SEC14L2: variants seen among roughly 807,000 people sequenced by gnomAD.
SEC14L2 encodes SEC14-like protein 2.
Under a neutral mutation model 56.9 loss-of-function variants are expected in SEC14L2, and 50 were observed. That is an observed-to-expected ratio of 0.88 (90% confidence interval 0.70 to 1.11). SEC14L2 has a LOEUF of 1.11. Ranked by LOEUF, SEC14L2 falls within the 50% of genes most tolerant of loss-of-function variation. The pLI, the probability that SEC14L2 is intolerant of heterozygous loss-of-function variation, is 0.00. For synonymous variants in SEC14L2, 179 were observed against 188.5 expected (o/e 0.95, Z 0.41); for missense variants, 414 against 500.7 (o/e 0.83, Z 1.65).
intron 11 of SEC14L2, among the ~76,000 whole-genome samples, chr22:30,419,555 A>C (rs1298334144): frequency 6.6e-6 from 1 of 152,162 alleles, no homozygotes; most frequent in Admixed American, 6.5e-5. Context: ...AACAACAACA[A>C]CAACAAAAAG....
intron 1 of SEC14L2, chr22:30,397,771 T>C: frequency 4.4e-6 from 2 of 455,044 alleles, no homozygotes; most frequent in Non-Finnish European, 9.1e-6. Flanking sequence ...AGGCACTGGG[T>C]TGGTGTTAGT....
intron 8 of SEC14L2, among the ~76,000 whole-genome samples, chr22:30,411,202 AG>A (rs894269798): frequency 6.6e-6 from 1 of 152,168 alleles, no homozygotes; most frequent in African/African-American, 2.4e-5. Flanking sequence ...TCAAGGCTGC[AG>A]TTAGCTATGA....
intron 2 of SEC14L2, among the ~76,000 whole-genome samples, chr22:30,401,198 T>G (rs1389139083): frequency 2.7e-5 from 4 of 149,348 alleles, no homozygotes; most frequent in Non-Finnish European, 5.9e-5. Flanking sequence ...TTTATTTATT[T>G]ATTTATTTAT....
intron 8 of SEC14L2, among the ~76,000 whole-genome samples, chr22:30,411,517 A>G (rs1230892147): frequency 6.6e-6 from 1 of 152,026 alleles, no homozygotes; most frequent in Non-Finnish European, 1.5e-5. Flanking sequence ...AGGCCGAGGT[A>G]GGCGGATCGC....
At position 30,415,871 on chromosome 22, in the gene SEC14L2, A is replaced by G. The variant is rs1414855938; in HGVS notation, c.771+6A>G. ...ACCCCAAGTGCAAATCCAAGGTATG[A>G]GCCGCCAGAGGCTAGAGGTGAACAG... On this transcript the variant is annotated splice_donor_region_variant and intron_variant, in intron 9 of 11. Coordinates refer to ENST00000615189, the MANE Select transcript of SEC14L2 (RefSeq NM_012429.5). 1 of 1,614,186 alleles carries G rather than the reference A, an allele frequency of 6.2e-7. No homozygotes were observed. Among genetic ancestry groups the G allele is most frequent in the East Asian group, 2.2e-5 (1 of 44,888 alleles).
intron 1 of SEC14L2, chr22:30,398,802 G>A (rs1389468240): frequency 4.2e-6 from 2 of 470,618 alleles, no homozygotes; most frequent in Non-Finnish European, 8.8e-6. Context: ...GTGTGCTCTG[G>A]ACTCAGACAG....
At chr22:30,419,042 A>C (rs1386145450) in intron 11 of SEC14L2, among the ~76,000 whole-genome samples, 1 of 152,252 alleles carries the variant, frequency 6.6e-6, no homozygotes, top group Non-Finnish European at 1.5e-5. Flanking sequence ...ACTAGGAATG[A>C]AAAGATTCCC....
rs780459349 is a variant in SEC14L2 at position 30,415,747 on chromosome 22, C to G, written c.665-12C>G. The G allele has an allele frequency of 2.5e-6, 4 of 1,610,626 alleles. No homozygotes were observed. In the Admixed American group the frequency reaches 5.0e-5, roughly 20 times the overall value. ...GAGATACATCTTTATCCTTCCTTCC[C>G]TCTCCTGCCAGCAAATTGGAAGGAG... is the stretch of plus-strand genomic sequence containing the variant. On this transcript the variant is annotated splice_polypyrimidine_tract_variant and intron_variant, in intron 8 of 11. Coordinates refer to ENST00000615189, the MANE Select transcript of SEC14L2 (RefSeq NM_012429.5).
chr22:30,406,399 G>T lies in SEC14L2; in HGVS notation c.174+14G>T. On this transcript the variant is annotated intron_variant, in intron 3 of 11. Coordinates refer to ENST00000615189, the MANE Select transcript of SEC14L2 (RefSeq NM_012429.5). ...ATGCTCCGGAAGGTGAGACACATTT[G>T]GCTGTTGCTTCAGTTCCTCCCCATC... is the stretch of plus-strand genomic sequence containing the variant. 1 of 1,613,842 alleles carries T rather than the reference G, an allele frequency of 6.2e-7. No homozygotes were observed. Among genetic ancestry groups the T allele is most frequent in the South Asian group, 1.1e-5 (1 of 91,060 alleles).
chr22:30,397,204 G>GCC (rs775845041), intron 1 of SEC14L2, 34 bp downstream of exon 1: 6 of 1,489,060 alleles, frequency 4.0e-6, no homozygotes, highest in Non-Finnish European at 5.4e-6. Context: ...CTCCCGCCTC[G>GCC]GGCTGTGGCC....
intron 1 of SEC14L2, chr22:30,398,764 T>A (rs1340911729): frequency 4.2e-6 from 2 of 471,270 alleles, no homozygotes; most frequent in South Asian, 3.1e-5. Context: ...CATCCTTCCA[T>A]GGGGCAGAAG....
At chr22:30,398,725 T>C (rs1446066093) in intron 1 of SEC14L2, 1 of 471,354 alleles carries the variant, frequency 2.1e-6, no homozygotes, top group African/African-American at 2.0e-5. Flanking sequence ...GACCACCTCT[T>C]TCTTCCCTCT....
At chr22:30,404,023 A>AG (rs1450233879) in intron 2 of SEC14L2, among the ~76,000 whole-genome samples, 57 of 135,322 alleles carry the variant, frequency 4.2e-4, no homozygotes, top group African/African-American at 1.5e-3. Flanking sequence ...AAAAAAAAAA[A>AG]AAAAAAGAAA....
intron 1 of SEC14L2, chr22:30,397,404 C>A: frequency 2.0e-6 from 1 of 496,424 alleles, no homozygotes; most frequent in Non-Finnish European, 3.5e-6. Flanking sequence ...GCAGCCGTGG[C>A]GGTGCCACCT....
Position 30,423,924 on chromosome 22 carries a change from G to A in SEC14L2, c.*1517G>A, listed in dbSNP as rs992728780. 6.6e-6 allele frequency: 1 copy of A among 152,298 alleles called. No individual in the cohort carries two copies. Among genetic ancestry groups the A allele is most frequent in the South Asian group, 2.1e-4 (1 of 4,836 alleles). 9.4% of individuals were successfully genotyped at this position (152,298 alleles called of 1,614,324 possible). A position where few individuals can be genotyped will look rare whatever the true frequency, so the allele number is the denominator to read the frequency against. On this transcript the variant is annotated 3_prime_UTR_variant, in exon 12 of 12. Coordinates refer to ENST00000615189, the MANE Select transcript of SEC14L2 (RefSeq NM_012429.5). ...AAACTCAGACGGCGTCAGGGACCCG[G>A]ACCCAGCAGCCGTTTCACGCCAATA...
At chr22:30,397,986 C>T (rs910421410) in intron 1 of SEC14L2, 1 of 423,624 alleles carries the variant, frequency 2.4e-6, no homozygotes, top group Admixed American at 2.6e-5. Flanking sequence ...GTGAGGAGGT[C>T]GGCTCTTCTC....
In SEC14L2 at chr22:30,422,326, C is replaced by A. The variant is rs1934541842; in HGVS notation, c.1131C>A (p.Val377=). The A allele has an allele frequency of 1.9e-6, 3 of 1,614,080 alleles. No homozygotes were observed. The highest frequency in any genetic ancestry group is 2.2e-5 in the South Asian group (2 of 91,074). The change falls in exon 12 of 12, where the codon GTC becomes GTA. Residue 377 remains valine (V), a synonymous_variant. Transcript: ENST00000615189. ...NTYSFIHAKK[V]NFTVEVLLPD... Reference sequence around the variant, plus strand: ...ACAGCTTCATTCATGCCAAGAAGGTCAATTTCACTGTGGAGGTCCTGCTTC... The same window carrying A: ...ACAGCTTCATTCATGCCAAGAAGGTAAATTTCACTGTGGAGGTCCTGCTTC...
Position 30,409,530 on chromosome 22 carries a change from G to A in SEC14L2, c.580+44G>A, listed in dbSNP as rs761628508. On this transcript the variant is annotated intron_variant, in intron 7 of 11. Transcript: ENST00000615189. ...GTGATAAAGCCAGATGGAAAAGAGG[G>A]GTCAAAAACATGACTGCGGCAGATG... 6.4e-6 allele frequency: 10 copies of A among 1,573,060 alleles called. No individual in the cohort carries two copies. The South Asian group carries it at 1.1e-4, about 17-fold the overall frequency.
At position 30,409,206 on chromosome 22, in the gene SEC14L2, C is replaced by A. The variant is rs760783305; in HGVS notation, c.443C>A (p.Thr148Asn). Residue 148 changes from threonine to asparagine, a missense_variant, in exon 6 of 12, where the codon ACC (threonine) becomes AAC (asparagine). Transcript: ENST00000615189. ...QTTKLGRKVETITIIYDCEGL... is the reference protein window; with the variant it reads ...QTTKLGRKVENITIIYDCEGL... Reference sequence around the variant, plus strand: ...CTGCAGTTGGGGAGGAAGGTGGAGACCATCACCATAATTTATGACTGCGAG... The same window carrying A: ...CTGCAGTTGGGGAGGAAGGTGGAGAACATCACCATAATTTATGACTGCGAG... 1.4e-5 allele frequency: 23 copies of A among 1,613,818 alleles called. No homozygotes were observed. Among genetic ancestry groups the A allele is most frequent in the Non-Finnish European group, 5.9e-6 (7 of 1,179,978 alleles).
Sources: gnomAD v4.1 joint callset for allele counts (sites outside exome capture counted in the v4.1 genomes callset) on GRCh38, gnomAD v4.1.1 for gene constraint, MANE v1.5 for transcripts, NCBI Gene and HGNC (gene_info 2026-07-23, HGNC 2026-07-21) for gene names.